Variants in GABRA3 observed in about 807,000 individuals in gnomAD.
GABRA3 encodes the protein gamma-aminobutyric acid type A receptor subunit alpha3, also known as gamma-aminobutyric acid receptor subunit alpha-3.
A neutral mutation model predicts 30.1 loss-of-function variants in GABRA3; 10 were observed. The observed-to-expected ratio is 0.33, with a 90% CI of 0.20 to 0.56. The LOEUF is 0.56. Ranked by LOEUF, GABRA3 falls within the 20% of genes least tolerant of loss-of-function variation. GABRA3 has a pLI of 0.89. For missense variants in GABRA3, 233 were observed against 392.0 expected (o/e 0.59, Z 3.42); for synonymous variants, 151 against 146.8 (o/e 1.03, Z -0.21).
In GABRA3 at chrX:152,221,974, G is replaced by A. The variant is rs778546243; in HGVS notation, c.634+2789C>T. Among the ~76,000 whole-genome samples, 3 of 111,906 alleles carry A rather than the reference G, an allele frequency of 2.7e-5. No individual in the cohort carries two copies. The East Asian group carries it at 8.6e-4, about 32-fold the overall frequency. On this transcript the variant is annotated intron_variant, in intron 6 of 9. Transcript: ENST00000370314. ...TTATAAGTGAGAACTTGTGGTATTT[G>A]GTTTTCTGTTCGTGTGTTAGCTTGC...
At chrX:152,272,170 C>T (rs1318686665) in intron 4 of GABRA3, among the ~76,000 whole-genome samples, 1 of 111,729 alleles carries the variant, frequency 9.0e-6, no homozygotes, top group African/African-American at 3.3e-5. Context: ...GGACAGCTTA[C>T]ATCATGCACG....
intron 1 of GABRA3, among the ~76,000 whole-genome samples, chrX:152,431,117 T>C (rs1930642035): frequency 9.0e-6 from 1 of 110,552 alleles, no homozygotes; most frequent in Non-Finnish European, 1.9e-5. Context: ...AAAGACGAAA[T>C]TGAGCACAGA....
At chrX:152,231,198 T>C (rs1479822669) in intron 5 of GABRA3, among the ~76,000 whole-genome samples, 8 of 107,523 alleles carry the variant, frequency 7.4e-5, no homozygotes, top group African/African-American at 2.7e-4. Flanking sequence ...TATATACACA[T>C]ATATATGTAT....
intron 1 of GABRA3, among the ~76,000 whole-genome samples, chrX:152,383,051 C>T (rs1226364531): frequency 9.1e-6 from 1 of 110,101 alleles, no homozygotes; most frequent in Non-Finnish European, 1.9e-5. Flanking sequence ...TTTTCAACAC[C>T]TTAATACCAA....
Position 152,360,736 on chromosome X carries a change from AATTAAAAAAAAAAAT to A in GABRA3, c.140+3680_140+3694del, listed in dbSNP as rs1313709019. Among the ~76,000 whole-genome samples the A allele has an allele frequency of 6.8e-3, 601 of 88,921 alleles. 14 individuals carry two copies. Among genetic ancestry groups the A allele is most frequent in the African/African-American group, 0.026 (577 of 21,935 alleles). The allele number at this position is 88,921 out of a possible 115,157, so 77.2% of individuals were successfully genotyped here. On this transcript the variant is annotated intron_variant, in intron 2 of 9. Coordinates refer to ENST00000370314, the MANE Select transcript of GABRA3 (RefSeq NM_000808.4). ...TTAAAAAAAAAAAATTAAAAAAAAA[AATTAAAAAAAAAAAT>A]AAATTAAAAAAAAAAAATGTTTCTA...
intron 6 of GABRA3, among the ~76,000 whole-genome samples, chrX:152,220,883 G>T (rs898927017): frequency 3.6e-5 from 4 of 110,847 alleles, no homozygotes; most frequent in African/African-American, 1.3e-4. Context: ...CTGTGTGTGT[G>T]TGTGTTTCTG....
At chrX:152,176,394 G>A (rs183564171) in intron 9 of GABRA3, among the ~76,000 whole-genome samples, 23 of 111,914 alleles carry the variant, frequency 2.1e-4, no homozygotes, top group Admixed American at 1.9e-3. Context: ...TAGTCCTAAT[G>A]AGGCTAGTGA....
chrX:152,230,252 A>G (rs1201114205), intron 5 of GABRA3, among the ~76,000 whole-genome samples: 5 of 111,730 alleles, frequency 4.5e-5, no homozygotes. Flanking sequence ...ATCATATTTC[A>G]ATAAAGCTGT....
intron 3 of GABRA3, among the ~76,000 whole-genome samples, chrX:152,290,407 A>G (rs1027468382): frequency 9.0e-6 from 1 of 111,640 alleles, no homozygotes. Flanking sequence ...TAGATTCTGG[A>G]TATCAGCCCT....
chrX:152,361,329 T>C (rs1387851448), intron 2 of GABRA3, among the ~76,000 whole-genome samples: 2 of 109,297 alleles, frequency 1.8e-5, no homozygotes, highest in Non-Finnish European at 3.8e-5. Context: ...CAGTGGCTCA[T>C]ACTGGGAGGC....
chrX:152,307,010 G>C (rs1939729455), intron 3 of GABRA3, among the ~76,000 whole-genome samples: 1 of 110,280 alleles, frequency 9.1e-6, no homozygotes, highest in Non-Finnish European at 1.9e-5. Context: ...AGAGTACACT[G>C]TTCACTCTTA....
At chrX:152,171,605 G>A (rs1016744726) in intron 9 of GABRA3, among the ~76,000 whole-genome samples, 2 of 111,443 alleles carry the variant, frequency 1.8e-5, no homozygotes, top group Admixed American at 1.9e-4. Flanking sequence ...CTACCCCCTA[G>A]CCAAGTATCT....
intron 1 of GABRA3, among the ~76,000 whole-genome samples, chrX:152,368,922 G>A (rs1471003611): frequency 9.0e-6 from 1 of 110,785 alleles, no homozygotes; most frequent in Non-Finnish European, 1.9e-5. Flanking sequence ...AGCCAGGATT[G>A]TCTCGATCTC....
At chrX:152,293,571 A>G (rs944397613) in intron 3 of GABRA3, among the ~76,000 whole-genome samples, 3 of 111,163 alleles carry the variant, frequency 2.7e-5, no homozygotes, top group Non-Finnish European at 3.8e-5. Context: ...AAGGTTAACA[A>G]CTGTTAACAT....
chrX:152,449,100 G>A (rs1282518495), intron 1 of GABRA3, among the ~76,000 whole-genome samples: 1 of 112,150 alleles, frequency 8.9e-6, no homozygotes, highest in Non-Finnish European at 1.9e-5. Context: ...GGTTAAGAGG[G>A]AGGCATGATT....
intron 3 of GABRA3, among the ~76,000 whole-genome samples, chrX:152,288,126 C>T (rs1224509230): frequency 8.9e-6 from 1 of 111,771 alleles, no homozygotes; most frequent in Non-Finnish European, 1.9e-5. Flanking sequence ...TGAGAGAGGG[C>T]TCTGAATTTA....
chrX:152,446,176 G>GT (rs1172912830), intron 1 of GABRA3, among the ~76,000 whole-genome samples: 1 of 112,063 alleles, frequency 8.9e-6, no homozygotes, highest in Non-Finnish European at 1.9e-5. Flanking sequence ...GGGAAGGACT[G>GT]TTATAAACCA....
intron 1 of GABRA3, among the ~76,000 whole-genome samples, chrX:152,425,936 T>C (rs911399167): frequency 1.8e-5 from 2 of 111,554 alleles, no homozygotes; most frequent in Non-Finnish European, 3.8e-5. Context: ...AGTATCTTTT[T>C]AGAAATCCCA....
rs758657155 is a variant in GABRA3, at chrX:152,185,476, CCTCT to C, written c.1143+4250_1143+4253del. 4.5e-5 allele frequency among the ~76,000 whole-genome samples: 5 copies of C among 111,032 alleles called. No homozygotes were observed. In the Admixed American group the frequency reaches 4.8e-4, roughly 11 times the overall value. Reference sequence around the variant, plus strand: ...AGAGTTTCTAACAATCTATTTAAGTCCTCTCTCTGTCTTCAAACCACTTCCACTC... The same window carrying C: ...AGAGTTTCTAACAATCTATTTAAGTCCTCTGTCTTCAAACCACTTCCACTC... On this transcript the variant is annotated intron_variant, in intron 9 of 9. Coordinates refer to ENST00000370314, the MANE Select transcript of GABRA3 (RefSeq NM_000808.4).
Sources: gnomAD v4.1 joint callset for allele counts (sites outside exome capture counted in the v4.1 genomes callset) on GRCh38, gnomAD v4.1.1 for gene constraint, MANE v1.5 for transcripts, NCBI Gene and HGNC (gene_info 2026-07-23, HGNC 2026-07-21) for gene names.